Variants in INO80 observed in about 807,000 individuals in gnomAD.
The protein encoded by INO80 is INO80 complex ATPase subunit.
INO80 carries 20 observed loss-of-function variants against 203.4 expected under a neutral mutation model. That is an observed-to-expected ratio of 0.10 (90% CI 0.07 to 0.14). The LOEUF is 0.14. Ranked by LOEUF, INO80 falls within the 10% of genes least tolerant of loss-of-function variation. The probability of loss-of-function intolerance (pLI) is 1.00; values close to 1 mark genes in which losing one functional copy is unlikely to be tolerated. For missense variants in INO80, 1,419 were observed against 1,914.4 expected (o/e 0.74, Z 4.83); for synonymous variants, 726 against 685.2 (o/e 1.06, Z -0.93).
At chr15:41,077,395 T>C (rs547308582) in intron 9 of INO80, among the ~76,000 whole-genome samples, 5 of 146,152 alleles carry the variant, frequency 3.4e-5, no homozygotes, top group African/African-American at 1.3e-4. Context: ...GCTGAAAGTA[T>C]ATTTTATAAA....
At chr15:40,994,493 A>G (rs1164451221) in intron 29 of INO80, among the ~76,000 whole-genome samples, 3 of 151,894 alleles carry the variant, frequency 2.0e-5, no homozygotes, top group Non-Finnish European at 2.9e-5. Flanking sequence ...CCTCCCGAGT[A>G]GCTGGGACTA....
At chr15:41,108,740 G>A (rs547419334) in intron 1 of INO80, 1 of 152,262 alleles carries the variant, frequency 6.6e-6, no homozygotes, top group African/African-American at 2.4e-5. Flanking sequence ...TATGTATCAG[G>A]AATGGTACTA....
chr15:41,075,937 T>G (rs1364919875), intron 9 of INO80, among the ~76,000 whole-genome samples: 1 of 152,074 alleles, frequency 6.6e-6, no homozygotes, highest in Non-Finnish European at 1.5e-5. Context: ...AAAGTCAAAA[T>G]AGCTGACAAA....
intron 10 of INO80, 48 bp from the exon 11 acceptor site, chr15:41,073,543 T>C (rs1292473569): frequency 6.9e-7 from 1 of 1,447,510 alleles, no homozygotes; most frequent in African/African-American, 1.4e-5. Context: ...ACTGATTTTG[T>C]TCTAAGATAC....
rs1271931586 is a variant in INO80 at position 41,024,098 on chromosome 15, A to G, written c.3049-2973T>C. Among the ~76,000 whole-genome samples the G allele has an allele frequency of 2.0e-5, 3 of 152,052 alleles. No individual in the cohort carries two copies. The East Asian group carries it at 5.8e-4, about 29-fold the overall frequency. ...TTTTTCCAGTTATAAACTTTCATCT[A>G]TTTTTCAATTTTCATTTTGATGATA... On this transcript the variant is annotated intron_variant, in intron 25 of 35. Coordinates refer to ENST00000648947, the MANE Select transcript of INO80 (RefSeq NM_017553.3).
intron 4 of INO80, among the ~76,000 whole-genome samples, chr15:41,093,125 G>A (rs1389941195): frequency 6.6e-6 from 1 of 152,064 alleles, no homozygotes; most frequent in Non-Finnish European, 1.5e-5. Flanking sequence ...AGAGGAAATA[G>A]AAAATGGAGA....
At chr15:41,053,627 G>C (rs1245080170) in intron 19 of INO80, among the ~76,000 whole-genome samples, 1 of 152,140 alleles carries the variant, frequency 6.6e-6, no homozygotes, top group African/African-American at 2.4e-5. Flanking sequence ...ATTTGCTTTT[G>C]AATAAGAGAG....
At position 41,050,028 on chromosome 15, in the gene INO80, G is replaced by A; in HGVS notation, c.2349C>T (p.Ser783=). The change falls in exon 20 of 36, where the codon TCC becomes TCT. Residue 783 remains serine (S), a synonymous_variant. Coordinates refer to ENST00000648947, the MANE Select transcript of INO80 (RefSeq NM_017553.3). ...TAGAAGACTGCAATAAATCCTCAATGGAAATTTTGTTCTTTAGTGCCTGAT... is the reference window on the plus strand; with the variant it reads ...TAGAAGACTGCAATAAATCCTCAATAGAAATTTTGTTCTTTAGTGCCTGAT... The part of the protein sequence containing the change: ...LLYQALKNKI[S]IEDLLQSSMG... The A allele has an allele frequency of 6.2e-7, 1 of 1,613,976 alleles. No homozygotes were observed. The highest frequency in any genetic ancestry group is 1.1e-5 in the South Asian group (1 of 91,068).
chr15:41,086,309 G>A (rs1221662498), intron 6 of INO80, among the ~76,000 whole-genome samples: 1 of 152,026 alleles, frequency 6.6e-6, no homozygotes, highest in African/African-American at 2.4e-5. Flanking sequence ...CACTAATAAA[G>A]ATAATAGAGA....
At chr15:40,982,687 T>A (rs1175972705) in intron 35 of INO80, among the ~76,000 whole-genome samples, 175 bp downstream of exon 35, 1 of 152,142 alleles carries the variant, frequency 6.6e-6, no homozygotes, top group Non-Finnish European at 1.5e-5. Context: ...CCCTGTACCG[T>A]CAGGAGGGCA....
intron 27 of INO80, among the ~76,000 whole-genome samples, chr15:41,008,224 TACACACACACACAC>T (rs71104765): frequency 2.1e-4 from 32 of 148,938 alleles, no homozygotes; most frequent in East Asian, 7.8e-4. Context: ...TATATATACA[TACACACACACACAC>T]ACACACACAC....
At chr15:41,014,324 G>A (rs1359064308) in intron 27 of INO80, among the ~76,000 whole-genome samples, 1 of 152,142 alleles carries the variant, frequency 6.6e-6, no homozygotes, top group Non-Finnish European at 1.5e-5. Flanking sequence ...GTTAGCAGCT[G>A]AAGATCACTA....
intron 24 of INO80, among the ~76,000 whole-genome samples, chr15:41,042,810 T>C (rs986830349): frequency 2.0e-5 from 3 of 152,180 alleles, no homozygotes; most frequent in African/African-American, 7.2e-5. Context: ...CCATAAGCTC[T>C]AGCAAAATAC....
At chr15:41,000,706 C>CAAAAAA (rs58232890) in intron 28 of INO80, among the ~76,000 whole-genome samples, 3 of 56,794 alleles carry the variant, frequency 5.3e-5, no homozygotes, top group Admixed American at 2.3e-4. Context: ...CACCCTGTCT[C>CAAAAAA]AAAAAAAAAA....
At chr15:41,096,460 G>A (rs1183271186) in intron 1 of INO80, 107 bp from the exon 2 acceptor site, 2 of 704,272 alleles carry the variant, frequency 2.8e-6, no homozygotes, top group African/African-American at 3.7e-5. Flanking sequence ...TAGAACACAA[G>A]ACACTGAAAA....
intron 10 of INO80, among the ~76,000 whole-genome samples, chr15:41,073,859 A>G (rs188652739): frequency 1.3e-5 from 2 of 152,314 alleles, no homozygotes; most frequent in Non-Finnish European, 2.9e-5. Context: ...ATACAGACAT[A>G]TTTAAACCCC....
intron 22 of INO80, 102 bp downstream of exon 22, chr15:41,048,110 T>C (rs2044800420): frequency 4.9e-6 from 4 of 813,534 alleles, no homozygotes; most frequent in South Asian, 3.4e-5. Context: ...GCCTACCATA[T>C]AGGCAAAACT....
At chr15:41,091,905 T>A (rs1360225188) in intron 5 of INO80, 122 bp downstream of exon 5, 1 of 705,668 alleles carries the variant, frequency 1.4e-6, no homozygotes, top group Non-Finnish European at 2.2e-6. Context: ...GCCCGCCTCG[T>A]CCTCCCAAAG....
chr15:41,109,479 C>T (rs964274269), intron 1 of INO80, among the ~76,000 whole-genome samples: 2 of 150,340 alleles, frequency 1.3e-5, no homozygotes, highest in African/African-American at 4.9e-5. Flanking sequence ...TTGGCCACTG[C>T]CGTATTTATT....
Sources: allele counts gnomAD v4.1 joint callset (sites outside exome capture counted in the v4.1 genomes callset), GRCh38; gene constraint gnomAD v4.1.1; transcripts MANE v1.5; gene names NCBI Gene and HGNC (gene_info 2026-07-23, HGNC 2026-07-21).